The following EHMT2 variants were observed in gnomAD, a reference collection of about 807,000 sequenced individuals.
The protein encoded by EHMT2 is histone-lysine N-methyltransferase EHMT2.
EHMT2 carries 59 observed loss-of-function variants against 143.3 expected under a neutral mutation model. The observed-to-expected ratio is 0.41, with a 90% CI of 0.33 to 0.51. The LOEUF (loss-of-function observed/expected upper bound fraction) is 0.51, where lower values mean the gene tolerates loss of function less well. Ranked by LOEUF, EHMT2 falls within the 20% of genes least tolerant of loss-of-function variation. EHMT2 has a pLI of 0.18. For missense variants in EHMT2, 1,174 were observed against 1,645.9 expected, an observed-to-expected ratio of 0.71 and a Z score of 4.96; for synonymous variants, 604 against 651.5, an observed-to-expected ratio of 0.93 and a Z score of 1.11.
Position 31,883,603 on chromosome 6 carries a change from C to T in EHMT2, c.2917-164G>A. ...TGACGGGTAATCAGTATGGTGGTGT[C>T]CCCAGGGCTACTGGGAGCTCATATG... On this transcript the variant is annotated intron_variant, in intron 22 of 27. Transcript: ENST00000375537. This position sits in a 1 kb window ranked among gnomAD's most constrained non-coding sequence, Gnocchi z 5.6. 1.0e-6 allele frequency: 1 copy of T among 977,284 alleles called. No individual in the cohort carries two copies. Among genetic ancestry groups the T allele is most frequent in the Non-Finnish European group, 1.6e-6 (1 of 643,460 alleles). The allele number at this position is 977,284 out of a possible 1,614,324, so 60.5% of individuals were successfully genotyped here.
chr6:31,880,512 C>A lies in EHMT2; in HGVS notation c.3452+161G>T. The A allele has an allele frequency of 1.1e-6, 1 of 898,434 alleles. No individual in the cohort carries two copies. Among genetic ancestry groups the A allele is most frequent in the Non-Finnish European group, 1.7e-6 (1 of 604,920 alleles). 55.7% of individuals were successfully genotyped at this position (898,434 alleles called of 1,614,324 possible). ...CAAAATCTCTCTGGGAGGCACAGGA[C>A]TGTTTCCCCAAGTCCTCCAGGAAAT... On this transcript the variant is annotated intron_variant, in intron 27 of 27. Coordinates refer to ENST00000375537, the Ensembl canonical transcript of EHMT2. The surrounding 1 kb of genome is among the most constrained non-coding windows in gnomAD (Gnocchi z 6.6).
Position 31,880,102 on chromosome 6 carries a change from C to T in EHMT2, c.3615G>A (p.Leu1205=). ...TCCGTTCTCATGTGTTGACAGGGGG[C>T]AGGGAGCCGAGCTCGGGCAGCAGCT... The change falls in exon 28 of 28, where the codon CTG becomes CTA. Residue 1205 remains leucine, a synonymous_variant. Transcript: ENST00000375537. The surrounding 1 kb of genome is among the most constrained non-coding windows in gnomAD (Gnocchi z 6.6). 3 of 1,612,616 alleles carry T rather than the reference C, an allele frequency of 1.9e-6. No individual in the cohort carries two copies. Among genetic ancestry groups the T allele is most frequent in the Non-Finnish European group, 2.5e-6 (3 of 1,179,958 alleles).
At chr6:31,887,375 T>C (rs536344632) in intron 15 of EHMT2, among the ~76,000 whole-genome samples, 1 of 152,304 alleles carries the variant, frequency 6.6e-6, no homozygotes, top group African/African-American at 2.4e-5. Flanking sequence ...GGCTAACAGG[T>C]ATAAGCACTC....
Position 31,888,072 on chromosome 6 carries a change from C to T in EHMT2, c.1714G>A (p.Val572Ile), listed in dbSNP as rs1403119888. Residue 572 changes from valine to isoleucine, a missense_variant, in exon 13 of 28, where the codon GTC (valine) becomes ATC (isoleucine). Coordinates refer to ENST00000375537, the Ensembl canonical transcript of EHMT2. The surrounding 1 kb of genome is among the most constrained non-coding windows in gnomAD (Gnocchi z 7.4). ...TGAGAAGTGTCTGCTCTCCCGGGGA[C>T]ATCCTGGGACAGGGGTGGGGGTGCA... 1.2e-6 allele frequency: 2 copies of T among 1,601,392 alleles called. No individual in the cohort carries two copies. The highest frequency in any genetic ancestry group is 1.7e-6 in the Non-Finnish European group (2 of 1,174,470).
chr6:31,882,855 T>C, intron 24 of EHMT2, 39 bp downstream of exon 24: 1 of 1,610,610 alleles, frequency 6.2e-7, no homozygotes, highest in Non-Finnish European at 8.5e-7. Flanking sequence ...GAGGAAAGGG[T>C]GAGGTGGGGA....
chr6:31,889,735 G>A lies in EHMT2; in HGVS notation c.865-133C>T. 9.1e-7 allele frequency: 1 copy of A among 1,095,852 alleles called. No homozygotes were observed. Among genetic ancestry groups the A allele is most frequent in the Non-Finnish European group, 1.3e-6 (1 of 744,296 alleles). 67.9% of individuals were successfully genotyped at this position (1,095,852 alleles called of 1,614,324 possible). On this transcript the variant is annotated intron_variant, in intron 7 of 27. Transcript: ENST00000375537. This position sits in a 1 kb window ranked among gnomAD's most constrained non-coding sequence, Gnocchi z 5.1. ...GCTGGGGATAAGTGTGGGTAGCAGA[G>A]GAGACAAAGGGCCACATAAAGAGAG...
chr6:31,896,438 CCT>C lies in EHMT2; in HGVS notation c.405_406del (p.Ala137GlyfsTer29), dbSNP rs1268387509. The C allele has an allele frequency of 1.9e-6, 3 of 1,613,050 alleles. No homozygotes were observed. Among genetic ancestry groups the C allele is most frequent in the South Asian group, 1.1e-5 (1 of 91,078 alleles). On this transcript the variant is annotated frameshift_variant, in exon 4 of 28. Transcript: ENST00000375537. LOFTEE classifies it high-confidence loss of function. The stretch of plus-strand genomic sequence containing the variant: ...GACAGATGGAGGTGATTTTCCCGCC[CCT>C]GTCATTGACATCTTGGCCCGGCTAG...
At chr6:31,897,179 C>T (rs1239307443) in intron 1 of EHMT2, 190 bp from the exon 2 acceptor site, 42 of 1,313,910 alleles carry the variant, frequency 3.2e-5, no homozygotes, top group Non-Finnish European at 3.9e-5. Context: ...GCATCAACCC[C>T]CTCCCTCTCG....
In EHMT2 at chr6:31,897,006, G is replaced by C. The variant is rs550873373; in HGVS notation, c.43-17C>G. 6.4e-7 allele frequency: 1 copy of C among 1,553,064 alleles called. No individual in the cohort carries two copies. The highest frequency in any genetic ancestry group is 2.1e-5 in the Admixed American group (1 of 48,602). ...GGCCTCCCCCTGGGAGGGGAGACAA[G>C]GGACAGGAGGGCTGGTCAGCCCAGT... is the stretch of plus-strand genomic sequence containing the variant. On this transcript the variant is annotated splice_polypyrimidine_tract_variant and intron_variant, in intron 1 of 27. Coordinates refer to ENST00000375537, the Ensembl canonical transcript of EHMT2.
chr6:31,880,640 T>A lies in EHMT2; in HGVS notation c.3452+33A>T. On this transcript the variant is annotated intron_variant, in intron 27 of 27. Transcript: ENST00000375537. This position sits in a 1 kb window ranked among gnomAD's most constrained non-coding sequence, Gnocchi z 6.6. ...CAGGTTTGCTGCATCTCCCACCCCCTGGCAGAGCCCCTAGAGACCCCTAGA... is the reference window on the plus strand; with the variant it reads ...CAGGTTTGCTGCATCTCCCACCCCCAGGCAGAGCCCCTAGAGACCCCTAGA... The A allele has an allele frequency of 6.2e-7, 1 of 1,608,302 alleles. No individual in the cohort carries two copies. The highest frequency in any genetic ancestry group is 8.5e-7 in the Non-Finnish European group (1 of 1,176,840).
rs911512299 is a variant in EHMT2, at chr6:31,884,597, G to A, written c.2604-38C>T. 6.2e-7 allele frequency: 1 copy of A among 1,608,486 alleles called. No homozygotes were observed. The highest frequency in any genetic ancestry group is 8.5e-7 in the Non-Finnish European group (1 of 1,176,636). On this transcript the variant is annotated intron_variant, in intron 20 of 27. Coordinates refer to ENST00000375537, the Ensembl canonical transcript of EHMT2. The surrounding 1 kb of genome is among the most constrained non-coding windows in gnomAD (Gnocchi z 7.3). ...CAGGATGCCCAATGCAGGGTCTGAG[G>A]CTGCAAGAAGTGGGGGCAGGGGCAT... is the stretch of plus-strand genomic sequence containing the variant.
chr6:31,886,913 A>G lies in EHMT2; in HGVS notation c.2119-16T>C. ...TGGCTCCAGCCTGTGAGGGGGCAGGAGGGCTGGCACCAGGGAGGCATGGGG... is the reference window on the plus strand; with the variant it reads ...TGGCTCCAGCCTGTGAGGGGGCAGGGGGGCTGGCACCAGGGAGGCATGGGG... On this transcript the variant is annotated splice_polypyrimidine_tract_variant and intron_variant, in intron 16 of 27. Transcript: ENST00000375537. The G allele has an allele frequency of 6.2e-7, 1 of 1,613,850 alleles. No homozygotes were observed.
At chr6:31,891,939 T>C (rs966361719) in intron 7 of EHMT2, among the ~76,000 whole-genome samples, 6 of 151,912 alleles carry the variant, frequency 3.9e-5, no homozygotes, top group Admixed American at 3.9e-4. Flanking sequence ...ACGGGCAGAA[T>C]ACACATTGAA....
At position 31,888,944 on chromosome 6, in the gene EHMT2, C is replaced by A; in HGVS notation, c.1216+25G>T. The A allele has an allele frequency of 6.3e-7, 1 of 1,581,018 alleles. No homozygotes were observed. The highest frequency in any genetic ancestry group is 1.1e-5 in the South Asian group (1 of 87,232). ...GCCCTGAGGTCGCCCCCTAGTGGCT[C>A]CCTGTCCCGGCAATTGGCAATTACC... On this transcript the variant is annotated intron_variant, in intron 10 of 27. Transcript: ENST00000375537. This position sits in a 1 kb window ranked among gnomAD's most constrained non-coding sequence, Gnocchi z 7.4.
At chr6:31,894,972 T>C (rs1766190047) in intron 4 of EHMT2, among the ~76,000 whole-genome samples, 1 of 152,246 alleles carries the variant, frequency 6.6e-6, no homozygotes. Flanking sequence ...GCTATTATGT[T>C]ATTATTGTTG....
chr6:31,888,832 C>A lies in EHMT2; in HGVS notation c.1217-85G>T, dbSNP rs1432681390. The A allele has an allele frequency of 1.0e-5, 16 of 1,525,518 alleles. No individual in the cohort carries two copies. Among genetic ancestry groups the A allele is most frequent in the Non-Finnish European group, 1.3e-5 (15 of 1,127,246 alleles). The allele number at this position is 1,525,518 out of a possible 1,614,324, so 94.5% of individuals were successfully genotyped here. A position where few individuals can be genotyped will look rare whatever the true frequency, so the allele number is the denominator to read the frequency against. On this transcript the variant is annotated intron_variant, in intron 10 of 27. Transcript: ENST00000375537. This position sits in a 1 kb window ranked among gnomAD's most constrained non-coding sequence, Gnocchi z 7.4. ...GGCGGGTCCTCTCACTCCCTCCCTA[C>A]CCCACCCCGCCATGCCCCAGAACCC...
chr6:31,879,857 G>A (rs1260902041), exon 28 of EHMT2: 7 of 551,954 alleles, frequency 1.3e-5, no homozygotes, highest in African/African-American at 5.6e-5. Flanking sequence ...TGGGGAACAC[G>A]GGGGGTGGCC....
At position 31,884,466 on chromosome 6, in the gene EHMT2, A is replaced by G; in HGVS notation, c.2697T>C (p.Phe899=). Residue 899 remains phenylalanine, a synonymous_variant, in exon 21 of 28, where the codon TTT becomes TTC. Coordinates refer to ENST00000375537, the Ensembl canonical transcript of EHMT2. This position sits in a 1 kb window ranked among gnomAD's most constrained non-coding sequence, Gnocchi z 7.3. Reference sequence around the variant, plus strand: ...GGAGCTTGCGGTTGAGTTGAAGCGCAAACCACACGTCGGAGCGCTCGGGAG... The same window carrying G: ...GGAGCTTGCGGTTGAGTTGAAGCGCGAACCACACGTCGGAGCGCTCGGGAG... 1 of 1,612,972 alleles carries G rather than the reference A, an allele frequency of 6.2e-7. No homozygotes were observed. The highest frequency in any genetic ancestry group is 1.3e-5 in the African/African-American group (1 of 75,018).
Position 31,882,117 on chromosome 6 carries a change from T to TAAAA in EHMT2, c.3197+578_3197+581dup, listed in dbSNP as rs9279449. ...TGAAACTCCGTCTCAAAAAATAAAT[T>TAAAA]AAAAAAAAAAAAAAAAAAGAGCCAA... On this transcript the variant is annotated intron_variant, in intron 25 of 27. Coordinates refer to ENST00000375537, the Ensembl canonical transcript of EHMT2. 4.1e-5 allele frequency among the ~76,000 whole-genome samples: 4 copies of TAAAA among 97,154 alleles called. 1 individual carries two copies. The highest frequency in any genetic ancestry group is 7.1e-5 in the Non-Finnish European group (3 of 42,528). 63.7% of individuals were successfully genotyped at this position (97,154 alleles called of 152,430 possible). A position where few individuals can be genotyped will look rare whatever the true frequency, so the allele number is the denominator to read the frequency against.
Sources: gnomAD v4.1 joint callset for allele counts (sites outside exome capture counted in the v4.1 genomes callset) on GRCh38, gnomAD v4.1.1 for gene constraint, Gnocchi (gnomAD v3.1) non-coding constraint, MANE v1.5 for transcripts, NCBI Gene and HGNC (gene_info 2026-07-23, HGNC 2026-07-21) for gene names.